Variants in ERICH6B observed in about 807,000 individuals in gnomAD.
The protein encoded by ERICH6B is glutamate-rich protein 6B.
Under a neutral mutation model 80.0 loss-of-function variants are expected in ERICH6B, and 69 were observed. The ratio of observed to expected loss-of-function variants is 0.86; its 90% CI spans 0.71 to 1.05. The LOEUF (loss-of-function observed/expected upper bound fraction) is 1.05. Ranked by LOEUF, ERICH6B falls within the 50% of genes least tolerant of loss-of-function variation. The probability of loss-of-function intolerance (pLI) is 0.00; values close to 1 mark genes in which losing one functional copy is unlikely to be tolerated. For synonymous variants in ERICH6B, 283 were observed against 291.9 expected, an observed-to-expected ratio of 0.97 and a Z score of 0.31; for missense variants, 754 against 796.1, an observed-to-expected ratio of 0.95 and a Z score of 0.64.
At chr13:45,575,457 AG>A (rs1566295293) in intron 7 of ERICH6B, among the ~76,000 whole-genome samples, 1 of 152,180 alleles carries the variant, frequency 6.6e-6, no homozygotes, top group Non-Finnish European at 1.5e-5. Flanking sequence ...AAGGAGGAGT[AG>A]GTGGGCACGT....
intron 1 of ERICH6B, among the ~76,000 whole-genome samples, chr13:45,611,306 C>T (rs984464197): frequency 2.0e-5 from 3 of 152,194 alleles, no homozygotes; most frequent in Admixed American, 6.5e-5. Flanking sequence ...TTTGACATCT[C>T]TGGCAAACAG....
chr13:45,593,054 C>T (rs926372882), intron 3 of ERICH6B, among the ~76,000 whole-genome samples: 1 of 152,148 alleles, frequency 6.6e-6, no homozygotes. Flanking sequence ...ATCTGAACTC[C>T]CCCAGCAGGC....
chr13:45,555,733 G>A (rs1472899850), intron 11 of ERICH6B, among the ~76,000 whole-genome samples: 1 of 151,884 alleles, frequency 6.6e-6, no homozygotes, highest in East Asian at 1.9e-4. Flanking sequence ...GAAATACAAG[G>A]CTCAAAATAG....
Position 45,578,917 on chromosome 13 carries a change from G to A in ERICH6B, c.961+1016C>T, listed in dbSNP as rs537911287. On this transcript the variant is annotated intron_variant, in intron 7 of 14. Coordinates refer to ENST00000298738, the MANE Select transcript of ERICH6B (RefSeq NM_182542.3). The stretch of plus-strand genomic sequence containing the variant: ...AATCATAAATTAGCCAGGAGTGGTG[G>A]CATGCACCCGTGGTCCCAGCTACTT... 2.4e-4 allele frequency among the ~76,000 whole-genome samples: 37 copies of A among 152,346 alleles called. No individual in the cohort carries two copies. In the East Asian group the frequency reaches 6.5e-3, roughly 27 times the overall value.
chr13:45,611,873 G>A (rs1949901858), intron 1 of ERICH6B, among the ~76,000 whole-genome samples: 1 of 152,170 alleles, frequency 6.6e-6, no homozygotes, highest in Non-Finnish European at 1.5e-5. Context: ...TGAATCGAAT[G>A]GCACACACTT....
rs766793846 is a variant in ERICH6B, at chr13:45,561,411, C to T, written c.1365G>A (p.Lys455=). 2.6e-6 allele frequency: 4 copies of T among 1,552,358 alleles called. No homozygotes were observed. Among genetic ancestry groups the T allele is most frequent in the Non-Finnish European group, 2.6e-6 (3 of 1,147,140 alleles). The change falls in exon 11 of 15, where the codon AAG becomes AAA. Residue 455 remains lysine, a synonymous_variant. Transcript: ENST00000298738. Reference sequence around the variant, plus strand: ...TCCATTCCTTATCTCGTTCTAATTTCTTCCTATGATGAACAACACGTTGAG... The same window carrying T: ...TCCATTCCTTATCTCGTTCTAATTTTTTCCTATGATGAACAACACGTTGAG... ...QKPQRVVHHR[K]KLERDKEWIQ...
At position 45,561,472 on chromosome 13, in the gene ERICH6B, G is replaced by T; in HGVS notation, c.1304C>A (p.Thr435Lys). 6.4e-7 allele frequency: 1 copy of T among 1,552,042 alleles called. No homozygotes were observed. The highest frequency in any genetic ancestry group is 1.2e-5 in the South Asian group (1 of 84,064). Residue 435 changes from threonine to lysine, a missense_variant, in exon 11 of 15, where the codon ACA becomes AAA. Transcript: ENST00000298738. ...TTCTTCTGTCTCAGGCTTCTCAGGT[G>T]TTGGTTTGCTCATTAAATGAAATGT... Reference protein sequence around the residue: ...SFTFHLMSKPTPEKPETEEIQ... With the variant: ...SFTFHLMSKPKPEKPETEEIQ...
At position 45,541,528 on chromosome 13, in the gene ERICH6B, C is replaced by T. The variant is rs1873771075; in HGVS notation, c.2025G>A (p.Glu675=). Residue 675 remains glutamate, a synonymous_variant, in exon 15 of 15, where the codon GAG becomes GAA. Coordinates refer to ENST00000298738, the MANE Select transcript of ERICH6B (RefSeq NM_182542.3). ...ATTPDLENFI[E]AVSISLMDNK... The stretch of plus-strand genomic sequence containing the variant: ...TGTCCATCAGTGATATACTGACGGC[C>T]TCTATGAAGTTTTCCAGATCAGGGG... 1.9e-6 allele frequency: 3 copies of T among 1,552,104 alleles called. No homozygotes were observed. The highest frequency in any genetic ancestry group is 1.4e-5 in the African/African-American group (1 of 73,126).
chr13:45,606,497 GTGTATGTGTATATATATATATATATA>G (rs1248577454), intron 2 of ERICH6B, among the ~76,000 whole-genome samples: 325 of 25,662 alleles, frequency 0.013, 4 homozygotes, highest in African/African-American at 0.032. Context: ...GATCCCAAAA[GTGTATGTGTATATATATATATATATA>G]TATATATATA....
chr13:45,568,132 C>T (rs900445846), intron 9 of ERICH6B, among the ~76,000 whole-genome samples, 183 bp downstream of exon 9: 1 of 152,198 alleles, frequency 6.6e-6, no homozygotes, highest in South Asian at 2.1e-4. Context: ...GATCATTCTG[C>T]CCATCTGACC....
intron 2 of ERICH6B, among the ~76,000 whole-genome samples, chr13:45,597,503 AG>A (rs1292214238): frequency 6.6e-6 from 1 of 152,248 alleles, no homozygotes; most frequent in Non-Finnish European, 1.5e-5. Flanking sequence ...GGGCTCCCAC[AG>A]CATAGGACGG....
At chr13:45,587,843 A>G (rs192083539) in intron 4 of ERICH6B, among the ~76,000 whole-genome samples, 2 of 152,302 alleles carry the variant, frequency 1.3e-5, no homozygotes, top group Admixed American at 1.3e-4. Context: ...GGGGCAAGAA[A>G]CTAATTCAAA....
chr13:45,585,349 AG>A (rs1424869934), intron 5 of ERICH6B, among the ~76,000 whole-genome samples: 1 of 152,192 alleles, frequency 6.6e-6, no homozygotes, highest in Admixed American at 6.5e-5. Flanking sequence ...ATGGTGACCC[AG>A]GACCCAGGAG....
intron 3 of ERICH6B, 67 bp from the exon 4 acceptor site, chr13:45,590,764 G>A (rs751832007): frequency 2.4e-5 from 33 of 1,397,748 alleles, no homozygotes; most frequent in Middle Eastern, 2.1e-4. Context: ...TTAAAAATAC[G>A]TTGTTAAGTA....
chr13:45,584,810 G>A (rs115534700), intron 5 of ERICH6B, among the ~76,000 whole-genome samples: 43 of 152,258 alleles, frequency 2.8e-4, no homozygotes, highest in African/African-American at 9.6e-4. Context: ...GTGACCAGGC[G>A]GCTTCTTCCC....
At chr13:45,561,001 C>T (rs1874649446) in intron 11 of ERICH6B, among the ~76,000 whole-genome samples, 2 of 152,132 alleles carry the variant, frequency 1.3e-5, no homozygotes, top group South Asian at 4.1e-4. Context: ...TCATAGCACA[C>T]TGCAGCCTCG....
At chr13:45,611,231 T>G (rs963370102) in intron 1 of ERICH6B, among the ~76,000 whole-genome samples, 5 of 152,182 alleles carry the variant, frequency 3.3e-5, no homozygotes, top group African/African-American at 1.2e-4. Context: ...GCCAATGCAT[T>G]TTCCTTAACA....
chr13:45,611,208 C>G (rs1463315482), intron 1 of ERICH6B, among the ~76,000 whole-genome samples: 1 of 152,174 alleles, frequency 6.6e-6, no homozygotes, highest in African/African-American at 2.4e-5. Context: ...ATCCCATTGT[C>G]CAGCCCGATC....
chr13:45,576,293 C>T (rs970332582), intron 7 of ERICH6B, among the ~76,000 whole-genome samples: 10 of 152,222 alleles, frequency 6.6e-5, no homozygotes, highest in African/African-American at 2.4e-4. Context: ...GGGCCCCATG[C>T]TTCCAGAATT....
Sources: gnomAD v4.1 joint callset for allele counts (sites outside exome capture counted in the v4.1 genomes callset) on GRCh38, gnomAD v4.1.1 for gene constraint, MANE v1.5 for transcripts, NCBI Gene and HGNC (gene_info 2026-07-23, HGNC 2026-07-21) for gene names.